The following FER variants were observed in gnomAD, a reference collection of about 807,000 sequenced individuals.
The protein encoded by FER is tyrosine-protein kinase Fer.
A neutral mutation model predicts 111.0 loss-of-function variants in FER; 63 were observed. That is an observed-to-expected ratio of 0.57 (90% confidence interval 0.46 to 0.70). The LOEUF (loss-of-function observed/expected upper bound fraction) is 0.70. Ranked by LOEUF, FER falls within the 30% of genes least tolerant of loss-of-function variation. FER has a pLI of 0.00. For missense variants in FER, 914 were observed against 954.0 expected, an observed-to-expected ratio of 0.96 and a Z score of 0.55; for synonymous variants, 327 against 313.9, an observed-to-expected ratio of 1.04 and a Z score of -0.44.
chr5:108,902,422 T>A (rs1561588884), intron 10 of FER, among the ~76,000 whole-genome samples: 1 of 152,242 alleles, frequency 6.6e-6, no homozygotes, highest in Admixed American at 6.5e-5. Flanking sequence ...TGTGGGATGT[T>A]AAGAAGTGTA....
chr5:108,859,377 A>G (rs947219193), intron 5 of FER, among the ~76,000 whole-genome samples: 7 of 151,936 alleles, frequency 4.6e-5, no homozygotes, highest in Non-Finnish European at 7.4e-5. Context: ...CCCACCTCCA[A>G]CCAACCCACC....
chr5:108,951,406 A>G (rs1757726365), intron 11 of FER, among the ~76,000 whole-genome samples: 1 of 152,154 alleles, frequency 6.6e-6, no homozygotes, highest in South Asian at 2.1e-4. Flanking sequence ...TGCCCGGCCA[A>G]ATCTTAATCT....
chr5:108,905,610 G>A (rs554557982), intron 10 of FER, among the ~76,000 whole-genome samples: 1 of 152,102 alleles, frequency 6.6e-6, no homozygotes, highest in Non-Finnish European at 1.5e-5. Flanking sequence ...GTGGGTCAAA[G>A]AGATTTAGAA....
chr5:108,868,033 A>C lies in FER; in HGVS notation c.665+83A>C, dbSNP rs1580962165. The C allele has an allele frequency of 3.0e-6, 4 of 1,326,084 alleles. No homozygotes were observed. The East Asian group carries it at 7.5e-5, about 25-fold the overall frequency. The allele number at this position is 1,326,084 out of a possible 1,614,324, so 82.1% of individuals were successfully genotyped here. ...TTCTCTCTAGTTTAGGTGTTGCTTC[A>C]TAAGTTTTATTATTAACCCAGTCCA... On this transcript the variant is annotated intron_variant, in intron 6 of 19. Transcript: ENST00000281092.
At chr5:109,162,980 C>G (rs1194267377) in intron 17 of FER, among the ~76,000 whole-genome samples, 6 of 152,006 alleles carry the variant, frequency 3.9e-5, no homozygotes, top group East Asian at 1.9e-4. Context: ...CCAAAAGTTC[C>G]CTCACACTGT....
At chr5:109,170,259 C>T (rs917287028) in intron 17 of FER, among the ~76,000 whole-genome samples, 15 of 152,046 alleles carry the variant, frequency 9.9e-5, no homozygotes, top group African/African-American at 3.6e-4. Context: ...ATTCCATAGC[C>T]TAAGTGCCAA....
At chr5:108,793,109 C>A (rs1406814421) in intron 2 of FER, among the ~76,000 whole-genome samples, 1 of 152,106 alleles carries the variant, frequency 6.6e-6, no homozygotes, top group Non-Finnish European at 1.5e-5. Context: ...GGTACTAGGT[C>A]TTATTCTGTA....
chr5:109,032,754 C>G (rs907313694), intron 13 of FER, among the ~76,000 whole-genome samples: 2 of 152,080 alleles, frequency 1.3e-5, no homozygotes, highest in African/African-American at 4.8e-5. Context: ...TATATGTAGC[C>G]CATATCTTAC....
intron 6 of FER, among the ~76,000 whole-genome samples, chr5:108,870,396 CT>C (rs1469019333): frequency 1.3e-5 from 2 of 152,044 alleles, no homozygotes; most frequent in Admixed American, 1.3e-4. Flanking sequence ...ACATTCAGTA[CT>C]TTTACTTATG....
At chr5:108,958,560 C>T (rs1175432095) in intron 12 of FER, among the ~76,000 whole-genome samples, 1 of 151,714 alleles carries the variant, frequency 6.6e-6, no homozygotes, top group African/African-American at 2.4e-5. Flanking sequence ...GAAAATTGCA[C>T]CTTACCTGGT....
intron 2 of FER, among the ~76,000 whole-genome samples, chr5:108,769,790 A>T (rs780650952): frequency 6.6e-6 from 1 of 152,166 alleles, no homozygotes; most frequent in African/African-American, 2.4e-5. Flanking sequence ...TTAGAAAACT[A>T]TCTTTCTTGT....
At chr5:108,803,260 ATT>A (rs1756869660) in intron 3 of FER, among the ~76,000 whole-genome samples, 2 of 151,474 alleles carry the variant, frequency 1.3e-5, no homozygotes, top group Non-Finnish European at 2.9e-5. Flanking sequence ...GTTTATGATT[ATT>A]TTCTCCCATT....
chr5:109,058,780 G>A (rs1379717583), intron 16 of FER, among the ~76,000 whole-genome samples: 4 of 122,306 alleles, frequency 3.3e-5, no homozygotes, highest in Admixed American at 2.1e-4. Flanking sequence ...TCTCCCAGCC[G>A]GGAGTGCAAC....
At chr5:109,103,629 C>T (rs1042270194) in intron 17 of FER, among the ~76,000 whole-genome samples, 5 of 152,128 alleles carry the variant, frequency 3.3e-5, no homozygotes, top group African/African-American at 9.7e-5. Flanking sequence ...TTTTAATCAA[C>T]GGCATTTTAT....
intron 17 of FER, among the ~76,000 whole-genome samples, chr5:109,104,122 A>G (rs192840641): frequency 4.2e-4 from 64 of 152,350 alleles, no homozygotes; most frequent in African/African-American, 1.4e-3. Flanking sequence ...TTTCAACTCT[A>G]TACTGATTCT....
chr5:109,137,706 G>A (rs574949610), intron 17 of FER, among the ~76,000 whole-genome samples: 1 of 152,150 alleles, frequency 6.6e-6, no homozygotes, highest in Non-Finnish European at 1.5e-5. Context: ...GTTAGTAAGA[G>A]ACTGAATCTG....
At chr5:108,756,177 T>A (rs1258334830) in intron 1 of FER, among the ~76,000 whole-genome samples, 2 of 149,118 alleles carry the variant, frequency 1.3e-5, no homozygotes, top group South Asian at 2.1e-4. Context: ...AAAAAAATAA[T>A]AATAATAAAT....
chr5:109,075,192 C>T (rs898255089), intron 16 of FER, among the ~76,000 whole-genome samples: 1 of 151,900 alleles, frequency 6.6e-6, no homozygotes, highest in African/African-American at 2.4e-5. Context: ...AGAGTAATTC[C>T]AAAGATTCTG....
At chr5:108,884,519 T>G (rs573619362) in intron 9 of FER, among the ~76,000 whole-genome samples, 34 of 151,858 alleles carry the variant, frequency 2.2e-4, no homozygotes, top group East Asian at 9.7e-4. Context: ...CTGGTTTTTT[T>G]TTTGTTTGTT....
Sources: allele counts gnomAD v4.1 joint callset (sites outside exome capture counted in the v4.1 genomes callset), GRCh38; gene constraint gnomAD v4.1.1; transcripts MANE v1.5; gene names NCBI Gene and HGNC (gene_info 2026-07-23, HGNC 2026-07-21).